MCTP1: variants seen among roughly 807,000 people sequenced by gnomAD.
MCTP1 encodes multiple C2 and transmembrane domain-containing protein 1.
MCTP1 carries 69 observed loss-of-function variants against 120.6 expected under a neutral mutation model. The ratio of observed to expected loss-of-function variants is 0.57; its 90% CI spans 0.47 to 0.70. The LOEUF (loss-of-function observed/expected upper bound fraction) is 0.70, where lower values mean the gene tolerates loss of function less well. Ranked by LOEUF, MCTP1 falls within the 30% of genes least tolerant of loss-of-function variation. The pLI, the probability that MCTP1 is intolerant of heterozygous loss-of-function variation, is 0.00. For synonymous variants in MCTP1, 529 were observed against 493.1 expected, an observed-to-expected ratio of 1.07 and a Z score of -0.96; for missense variants, 1,203 against 1,248.8, an observed-to-expected ratio of 0.96 and a Z score of 0.55.
chr5:94,993,118 G>A (rs936354583), intron 2 of MCTP1, among the ~76,000 whole-genome samples: 4 of 151,866 alleles, frequency 2.6e-5, no homozygotes, highest in South Asian at 2.1e-4. Flanking sequence ...TTTTCAATAC[G>A]TAGTAAGTTC....
intron 1 of MCTP1, among the ~76,000 whole-genome samples, chr5:95,228,818 C>T (rs1256868268): frequency 6.6e-6 from 1 of 152,122 alleles, no homozygotes; most frequent in Non-Finnish European, 1.5e-5. Flanking sequence ...CTCTCTTGTT[C>T]CTGCTTTCAC....
intron 6 of MCTP1, chr5:94,929,539 TAAG>T (rs1814010190): frequency 7.6e-6 from 5 of 656,440 alleles, no homozygotes; most frequent in Non-Finnish European, 9.4e-6. Context: ...CAAGAATTTT[TAAG>T]AAGATTGAAA....
chr5:95,083,696 C>T (rs569254569), intron 1 of MCTP1, among the ~76,000 whole-genome samples: 1 of 152,270 alleles, frequency 6.6e-6, no homozygotes, highest in South Asian at 2.1e-4. Context: ...AAAACAAAGC[C>T]AAATACGTGA....
At chr5:94,945,270 T>G (rs1221243957) in intron 3 of MCTP1, among the ~76,000 whole-genome samples, 1 of 152,176 alleles carries the variant, frequency 6.6e-6, no homozygotes, top group Non-Finnish European at 1.5e-5. Context: ...TAACACCTTC[T>G]GCATTCTCAA....
intron 2 of MCTP1, among the ~76,000 whole-genome samples, chr5:94,966,929 G>T (rs1382214133): frequency 6.6e-6 from 1 of 152,228 alleles, no homozygotes; most frequent in Non-Finnish European, 1.5e-5. Flanking sequence ...TTGTTACAAT[G>T]ATCTATTTCT....
At chr5:95,040,699 C>T (rs955937641) in intron 1 of MCTP1, among the ~76,000 whole-genome samples, 8 of 152,040 alleles carry the variant, frequency 5.3e-5, no homozygotes, top group Non-Finnish European at 2.9e-5. Flanking sequence ...CCCCCTAGCT[C>T]GAGGGGTGGA....
At chr5:95,049,008 A>C (rs962195052) in intron 1 of MCTP1, among the ~76,000 whole-genome samples, 1 of 152,160 alleles carries the variant, frequency 6.6e-6, no homozygotes, top group African/African-American at 2.4e-5. Flanking sequence ...GAGATATTGG[A>C]TACTAAAAGG....
intron 1 of MCTP1, among the ~76,000 whole-genome samples, chr5:95,196,182 T>C (rs903343016): frequency 2.0e-5 from 3 of 152,188 alleles, no homozygotes; most frequent in African/African-American, 7.2e-5. Flanking sequence ...TCCAAGTCTG[T>C]GCTGAATAAA....
intron 1 of MCTP1, among the ~76,000 whole-genome samples, chr5:95,183,656 A>G (rs1465810822): frequency 6.6e-6 from 1 of 152,118 alleles, no homozygotes; most frequent in Non-Finnish European, 1.5e-5. Context: ...ACATGCAAAC[A>G]AGCAAAATAA....
intron 1 of MCTP1, among the ~76,000 whole-genome samples, chr5:95,022,363 T>G (rs943843953): frequency 2.0e-5 from 3 of 152,186 alleles, no homozygotes; most frequent in African/African-American, 7.2e-5. Flanking sequence ...TCTTCGTCCT[T>G]CACTCTTGAC....
chr5:94,971,961 G>A (rs1581640106), intron 2 of MCTP1, among the ~76,000 whole-genome samples: 1 of 152,064 alleles, frequency 6.6e-6, no homozygotes, highest in African/African-American at 2.4e-5. Flanking sequence ...CCTGACATCT[G>A]TTCTTAAGAT....
intron 17 of MCTP1, among the ~76,000 whole-genome samples, chr5:94,865,891 C>T (rs1796709934): frequency 6.6e-6 from 1 of 151,834 alleles, no homozygotes; most frequent in Non-Finnish European, 1.5e-5. Flanking sequence ...ATGAAATTCG[C>T]TAATGCATGT....
intron 18 of MCTP1, among the ~76,000 whole-genome samples, chr5:94,780,012 T>C (rs1242013165): frequency 2.0e-5 from 3 of 152,146 alleles, no homozygotes; most frequent in African/African-American, 7.2e-5. Flanking sequence ...TTTTCCACAC[T>C]TCACAAACAT....
chr5:94,974,353 C>A (rs1827585324), intron 2 of MCTP1, among the ~76,000 whole-genome samples: 1 of 152,070 alleles, frequency 6.6e-6, no homozygotes, highest in South Asian at 2.1e-4. Flanking sequence ...TTGAGACCAG[C>A]CTGGGCAACA....
At chr5:94,822,311 T>C (rs1450336325) in intron 17 of MCTP1, among the ~76,000 whole-genome samples, 1 of 152,154 alleles carries the variant, frequency 6.6e-6, no homozygotes, top group East Asian at 1.9e-4. Context: ...CATGCGGTGT[T>C]TGGTTTTCTG....
chr5:95,249,496 A>C (rs944100961), intron 1 of MCTP1, among the ~76,000 whole-genome samples: 1 of 152,208 alleles, frequency 6.6e-6, no homozygotes, highest in African/African-American at 2.4e-5. Context: ...ATCATTAAAA[A>C]TTCAGGAAGC....
At chr5:95,004,978 T>A (rs1834414490) in intron 2 of MCTP1, among the ~76,000 whole-genome samples, 1 of 152,188 alleles carries the variant, frequency 6.6e-6, no homozygotes, top group African/African-American at 2.4e-5. Flanking sequence ...CCGCAGGCAC[T>A]CAACACCAAC....
chr5:94,739,533 A>G (rs1400972944), intron 19 of MCTP1: 1 of 152,224 alleles, frequency 6.6e-6, no homozygotes, highest in Non-Finnish European at 1.5e-5. Flanking sequence ...TCTTAATAAA[A>G]TGGATAATCC....
intron 2 of MCTP1, among the ~76,000 whole-genome samples, chr5:95,005,188 C>A (rs567755114): frequency 1.3e-5 from 2 of 152,116 alleles, no homozygotes; most frequent in African/African-American, 4.8e-5. Context: ...TTTTATTTGG[C>A]CAATTTTTCC....
Sources: allele counts gnomAD v4.1 joint callset (sites outside exome capture counted in the v4.1 genomes callset), GRCh38; gene constraint gnomAD v4.1.1; transcripts MANE v1.5; gene names NCBI Gene and HGNC (gene_info 2026-07-23, HGNC 2026-07-21).